SYT16: variants seen among roughly 807,000 people sequenced by gnomAD.
SYT16 encodes synaptotagmin 16, also known as synaptotagmin-16.
A neutral mutation model predicts 61.4 loss-of-function variants in SYT16; 42 were observed. That is an observed-to-expected ratio of 0.68 (90% CI 0.53 to 0.89). The LOEUF is 0.89. SYT16 is among the 40% of genes least tolerant of loss of function. The pLI is 0.00. For synonymous variants in SYT16, 314 were observed against 302.3 expected (o/e 1.04, Z -0.40); for missense variants, 804 against 807.3 (o/e 1.00, Z 0.05).
intron 3 of SYT16, among the ~76,000 whole-genome samples, chr14:62,051,027 G>C (rs1275389213): frequency 6.6e-6 from 1 of 152,244 alleles, no homozygotes; most frequent in Non-Finnish European, 1.5e-5. Context: ...CGTCTGTAGA[G>C]GTTACTGCTG....
chr14:62,073,517 T>A (rs2056374679), intron 4 of SYT16, among the ~76,000 whole-genome samples: 1 of 152,150 alleles, frequency 6.6e-6, no homozygotes. Flanking sequence ...TAACCGAAAG[T>A]CTGGATGTAA....
At chr14:61,842,847 G>A (rs1594742743) in intron 1 of SYT16, among the ~76,000 whole-genome samples, 1 of 151,976 alleles carries the variant, frequency 6.6e-6, no homozygotes, top group East Asian at 1.9e-4. Flanking sequence ...AATGGGTGCA[G>A]CACACCAACA....
intron 2 of SYT16, among the ~76,000 whole-genome samples, chr14:61,987,309 G>A (rs2052356989): frequency 1.3e-5 from 2 of 152,122 alleles, no homozygotes; most frequent in South Asian, 4.1e-4. Flanking sequence ...AACCAACCAG[G>A]GATGGCCTTC....
chr14:62,093,204 C>G (rs1217390870), intron 7 of SYT16, among the ~76,000 whole-genome samples: 1 of 151,950 alleles, frequency 6.6e-6, no homozygotes, highest in Non-Finnish European at 1.5e-5. Context: ...TAATTTTAGA[C>G]ATTAAACCAA....
intron 1 of SYT16, chr14:61,864,985 T>C: frequency 2.2e-6 from 3 of 1,394,018 alleles, no homozygotes; most frequent in Admixed American, 3.4e-5. Flanking sequence ...TGGGCCCCTC[T>C]TACAGTGGCA....
At chr14:61,905,931 A>ATT (rs2048692802) in intron 1 of SYT16, among the ~76,000 whole-genome samples, 1 of 151,884 alleles carries the variant, frequency 6.6e-6, no homozygotes, top group Non-Finnish European at 1.5e-5. Context: ...CTATTTTTGT[A>ATT]TTTTTAGTAG....
chr14:61,833,347 C>T (rs1318818641), intron 1 of SYT16, among the ~76,000 whole-genome samples: 1 of 148,092 alleles, frequency 6.8e-6, no homozygotes, highest in East Asian at 2.0e-4. Flanking sequence ...GACTGGAGTG[C>T]GATGGCTCGA....
At chr14:61,884,928 C>G (rs904345316) in intron 1 of SYT16, among the ~76,000 whole-genome samples, 5 of 152,112 alleles carry the variant, frequency 3.3e-5, no homozygotes, top group African/African-American at 1.2e-4. Flanking sequence ...CACTAAAAAC[C>G]AGAGGACTCC....
chr14:62,035,623 G>A (rs2054476548), intron 3 of SYT16, among the ~76,000 whole-genome samples: 1 of 152,152 alleles, frequency 6.6e-6, no homozygotes, highest in South Asian at 2.1e-4. Flanking sequence ...GCTTACCAAT[G>A]GGTGTTGTTC....
chr14:61,990,572 T>A (rs1476869335), intron 2 of SYT16, among the ~76,000 whole-genome samples: 1 of 152,216 alleles, frequency 6.6e-6, no homozygotes, highest in African/African-American at 2.4e-5. Context: ...TCAGAATGTG[T>A]CTGACTTTCT....
At chr14:62,059,217 CTTAAAAG>C (rs2055706500) in intron 3 of SYT16, among the ~76,000 whole-genome samples, 1 of 151,984 alleles carries the variant, frequency 6.6e-6, no homozygotes, top group African/African-American at 2.4e-5. Flanking sequence ...TACCCCTGAA[CTTAAAAG>C]TTAAAAAAAG....
At chr14:61,820,469 GTTTTTTTTTT>G (rs71117856) in intron 1 of SYT16, among the ~76,000 whole-genome samples, 17 of 61,094 alleles carry the variant, frequency 2.8e-4, no homozygotes, top group South Asian at 2.7e-3. Flanking sequence ...CCTCTTCAGA[GTTTTTTTTTT>G]TTTTTTTTTT....
At chr14:62,020,715 T>G (rs1052876526) in intron 3 of SYT16, among the ~76,000 whole-genome samples, 1 of 152,192 alleles carries the variant, frequency 6.6e-6, no homozygotes, top group African/African-American at 2.4e-5. Flanking sequence ...AAATTCCTGG[T>G]GGGCGTCAGG....
intron 1 of SYT16, among the ~76,000 whole-genome samples, chr14:61,940,558 T>C (rs2050167870): frequency 6.6e-6 from 1 of 152,208 alleles, no homozygotes; most frequent in Non-Finnish European, 1.5e-5. Context: ...CCTCAGTATA[T>C]TTCTCATCTG....
intron 7 of SYT16, among the ~76,000 whole-genome samples, chr14:62,096,394 A>G (rs1222125912): frequency 6.6e-6 from 1 of 152,118 alleles, no homozygotes; most frequent in Non-Finnish European, 1.5e-5. Flanking sequence ...ATAATGCAAA[A>G]TAGAGAAAAA....
Position 62,110,658 on chromosome 14 carries a change from AG to A in SYT16, c.*9953del, listed in dbSNP as rs1319908261. 1 of 152,106 alleles carries A rather than the reference AG, an allele frequency of 6.6e-6. No homozygotes were observed. The highest frequency in any genetic ancestry group is 1.5e-5 in the Non-Finnish European group (1 of 67,956). The allele number at this position is 152,106 out of a possible 1,614,324, so 9.4% of individuals were successfully genotyped here. On this transcript the variant is annotated 3_prime_UTR_variant, in exon 8 of 8. Coordinates refer to ENST00000683842, the MANE Select transcript of SYT16 (RefSeq NM_001367656.1). ...TCTGAGGAGCTAGAAATAAAATATT[AG>A]GTTCTAATTTTTTTTTGTTCAAACA...
chr14:62,049,370 C>G (rs2055161682), intron 3 of SYT16, among the ~76,000 whole-genome samples: 1 of 152,126 alleles, frequency 6.6e-6, no homozygotes, highest in Non-Finnish European at 1.5e-5. Flanking sequence ...ATATATGTGT[C>G]TCTGCATGTG....
At chr14:62,073,081 G>A (rs1019976555) in intron 4 of SYT16, among the ~76,000 whole-genome samples, 32 of 152,070 alleles carry the variant, frequency 2.1e-4, no homozygotes, top group African/African-American at 7.7e-4. Context: ...CTCGCAACTT[G>A]ACTTGTACCC....
At position 61,834,428 on chromosome 14, in the gene SYT16, C is replaced by CTTTTT. The variant is rs35260303; in HGVS notation, c.-325+21638_-325+21642dup. On this transcript the variant is annotated intron_variant, in intron 1 of 7. Coordinates refer to ENST00000683842, the MANE Select transcript of SYT16 (RefSeq NM_001367656.1). ...TACAGGCATGAGCCACCGTGCCTGG[C>CTTTTT]TTTTTTTTTTTTTTTTTTTTTTTTG... 8.1e-4 allele frequency among the ~76,000 whole-genome samples: 62 copies of CTTTTT among 76,872 alleles called. 6 individuals carry two copies. Among genetic ancestry groups the CTTTTT allele is most frequent in the African/African-American group, 3.5e-3 (53 of 15,322 alleles). 50.4% of individuals were successfully genotyped at this position (76,872 alleles called of 152,430 possible).
Sources: allele counts gnomAD v4.1 joint callset (sites outside exome capture counted in the v4.1 genomes callset), GRCh38; gene constraint gnomAD v4.1.1; transcripts MANE v1.5; gene names NCBI Gene and HGNC (gene_info 2026-07-23, HGNC 2026-07-21).